The following ZFYVE9 variants were observed in gnomAD, a reference collection of about 807,000 sequenced individuals.
ZFYVE9 encodes zinc finger FYVE-type containing 9.
Under a neutral mutation model 126.7 loss-of-function variants are expected in ZFYVE9, and 43 were observed. The observed-to-expected ratio is 0.34, with a 90% CI of 0.27 to 0.44. The LOEUF is 0.44. ZFYVE9 is among the 20% of genes least tolerant of loss of function. The pLI is 1.00. For synonymous variants in ZFYVE9, 521 were observed against 597.4 expected (o/e 0.87, Z 1.87); for missense variants, 1,476 against 1,697.0 (o/e 0.87, Z 2.29).
At chr1:52,160,606 G>C (rs1179567127) in intron 1 of ZFYVE9, 4 of 704,620 alleles carry the variant, frequency 5.7e-6, no homozygotes, top group Non-Finnish European at 7.8e-6. Context: ...AGTCCATAGA[G>C]TCGGGCACCG....
intron 1 of ZFYVE9, among the ~76,000 whole-genome samples, chr1:52,155,985 A>G (rs915959959): frequency 6.6e-6 from 1 of 152,190 alleles, no homozygotes; most frequent in African/African-American, 2.4e-5. Context: ...GTACCCCACC[A>G]AGTTCTTCAG....
rs868160238 is a variant in ZFYVE9 at position 52,182,816 on chromosome 1, T to A, written c.-142-33553T>A. On this transcript the variant is annotated intron_variant, in intron 1 of 18. Transcript: ENST00000287727. ...CTTTTTTAAATTATAGTATTTCCTT[T>A]AAAAAAAAAATAAAACCAGCTATTG... is the stretch of plus-strand genomic sequence containing the variant. Among the ~76,000 whole-genome samples, 25 of 149,730 alleles carry A rather than the reference T, an allele frequency of 1.7e-4. No homozygotes were observed. In the Middle Eastern group the frequency reaches 0.01, roughly 62 times the overall value.
intron 1 of ZFYVE9, among the ~76,000 whole-genome samples, chr1:52,181,740 G>T (rs191190842): frequency 6.6e-6 from 1 of 151,096 alleles, no homozygotes; most frequent in Admixed American, 6.6e-5. Flanking sequence ...CCGCTGCCCC[G>T]TCTGGGATGT....
intron 1 of ZFYVE9, among the ~76,000 whole-genome samples, chr1:52,208,296 G>A (rs564911684): frequency 6.6e-6 from 1 of 152,254 alleles, no homozygotes; most frequent in South Asian, 2.1e-4. Flanking sequence ...TATCAAGCCA[G>A]GTATGTTCCA....
chr1:52,180,585 A>G (rs141588622), intron 1 of ZFYVE9: 4 of 601,326 alleles, frequency 6.7e-6, no homozygotes, highest in East Asian at 5.4e-5. Context: ...TCTTGTGACA[A>G]ATTGTCTGGA....
rs1644880705 is a variant in ZFYVE9, at chr1:52,198,121, TTTG to T, written c.-142-18245_-142-18243del. 4.5e-4 allele frequency among the ~76,000 whole-genome samples: 3 copies of T among 6,706 alleles called. 1 individual carries two copies. Among genetic ancestry groups the T allele is most frequent in the Non-Finnish European group, 7.0e-4 (1 of 1,424 alleles). 4.4% of individuals were successfully genotyped at this position (6,706 alleles called of 152,430 possible). On this transcript the variant is annotated intron_variant, in intron 1 of 18. Coordinates refer to ENST00000287727, the MANE Select transcript of ZFYVE9 (RefSeq NM_004799.4). ...AATAATATTGTAGTGTTTTTTTTTG[TTTG>T]TTTTTTTTTTTTTTTGAGATGGAGT...
intron 1 of ZFYVE9, among the ~76,000 whole-genome samples, chr1:52,211,579 C>T (rs909143490): frequency 3.9e-5 from 6 of 152,128 alleles, no homozygotes; most frequent in African/African-American, 1.2e-4. Context: ...TACCTGCAGT[C>T]GTAGCTACTC....
chr1:52,269,318 CAG>C (rs1645665137), intron 7 of ZFYVE9, among the ~76,000 whole-genome samples: 1 of 151,830 alleles, frequency 6.6e-6, no homozygotes, highest in African/African-American at 2.4e-5. Context: ...TTAGTAGAGA[CAG>C]GGTTTCACCA....
chr1:52,167,469 G>A (rs993860895), intron 1 of ZFYVE9, among the ~76,000 whole-genome samples: 5 of 152,188 alleles, frequency 3.3e-5, no homozygotes, highest in African/African-American at 7.2e-5. Flanking sequence ...ACTCAACAGC[G>A]CATGAGATAC....
intron 12 of ZFYVE9, among the ~76,000 whole-genome samples, chr1:52,297,886 C>A (rs1422051432): frequency 6.6e-6 from 1 of 151,294 alleles, no homozygotes; most frequent in African/African-American, 2.4e-5. Flanking sequence ...CCATGCCCAG[C>A]TAGTTTTTGT....
intron 1 of ZFYVE9, among the ~76,000 whole-genome samples, chr1:52,154,916 A>C (rs1644387741): frequency 6.6e-6 from 1 of 152,108 alleles, no homozygotes; most frequent in Admixed American, 6.6e-5. Flanking sequence ...CTCCTTCTTA[A>C]GTTGGTCTTA....
At chr1:52,264,186 GC>G in intron 5 of ZFYVE9, 1 of 175,620 alleles carries the variant, frequency 5.7e-6, no homozygotes, top group Admixed American at 6.3e-5. Context: ...GGAATGGGGA[GC>G]TTTTGATCAC....
At chr1:52,155,074 T>G (rs1245995333) in intron 1 of ZFYVE9, among the ~76,000 whole-genome samples, 1 of 152,188 alleles carries the variant, frequency 6.6e-6, no homozygotes, top group Non-Finnish European at 1.5e-5. Flanking sequence ...CATTCCTATC[T>G]TATAATGGAT....
intron 12 of ZFYVE9, among the ~76,000 whole-genome samples, chr1:52,297,608 C>T (rs1645990135): frequency 6.6e-6 from 1 of 151,982 alleles, no homozygotes; most frequent in South Asian, 2.1e-4. Flanking sequence ...TTTTAAGCCA[C>T]TTATACAGCT....
At chr1:52,275,943 C>G (rs1299080664) in intron 8 of ZFYVE9, among the ~76,000 whole-genome samples, 2 of 131,678 alleles carry the variant, frequency 1.5e-5, no homozygotes, top group African/African-American at 6.0e-5. Context: ...GAGTCTCACT[C>G]TGTCGCCAGG....
intron 10 of ZFYVE9, 112 bp downstream of exon 10, chr1:52,281,928 G>A: frequency 8.5e-7 from 1 of 1,169,938 alleles, no homozygotes. Context: ...AGGGGACTTT[G>A]ATATTAGTGG....
intron 2 of ZFYVE9, among the ~76,000 whole-genome samples, chr1:52,228,268 C>T (rs867246297): frequency 2.6e-5 from 4 of 152,002 alleles, no homozygotes; most frequent in African/African-American, 4.8e-5. Flanking sequence ...TCTGTAGATA[C>T]GGAGTCTCAC....
intron 1 of ZFYVE9, among the ~76,000 whole-genome samples, chr1:52,170,680 C>T (rs1453992118): frequency 6.6e-6 from 1 of 151,972 alleles, no homozygotes; most frequent in Non-Finnish European, 1.5e-5. Context: ...GTTGTGTTTC[C>T]ATTATTATTT....
At position 52,204,543 on chromosome 1, in the gene ZFYVE9, A is replaced by C. The variant is rs557096127; in HGVS notation, c.-142-11826A>C. On this transcript the variant is annotated intron_variant, in intron 1 of 18. Coordinates refer to ENST00000287727, the MANE Select transcript of ZFYVE9 (RefSeq NM_004799.4). ...GGAGTTCAAGACCAGCCTGGCCAAA[A>C]TGGTGAAACCCCGTCTCTGCTAAAA... 1.5e-3 allele frequency among the ~76,000 whole-genome samples: 227 copies of C among 152,198 alleles called. 1 individual carries two copies. The highest frequency in any genetic ancestry group is 2.3e-3 in the Non-Finnish European group (155 of 68,004).
Sources: allele counts gnomAD v4.1 joint callset (sites outside exome capture counted in the v4.1 genomes callset), GRCh38; gene constraint gnomAD v4.1.1; transcripts MANE v1.5; gene names NCBI Gene and HGNC (gene_info 2026-07-23, HGNC 2026-07-21).